Variants in PTPRG observed in about 807,000 individuals in gnomAD.
PTPRG encodes the protein receptor-type tyrosine-protein phosphatase gamma.
PTPRG carries 102 observed loss-of-function variants against 165.3 expected under a neutral mutation model. The ratio of observed to expected loss-of-function variants is 0.62; its 90% CI spans 0.53 to 0.73. PTPRG has a LOEUF of 0.73. PTPRG is among the 30% of genes least tolerant of loss of function. The pLI is 0.00. For synonymous variants in PTPRG, 675 were observed against 669.5 expected (o/e 1.01, Z -0.13); for missense variants, 1,866 against 1,861.4 (o/e 1.00, Z -0.05).
intron 26 of PTPRG, among the ~76,000 whole-genome samples, chr3:62,278,374 A>G (rs12491677): frequency 9.9e-5 from 15 of 152,038 alleles, no homozygotes; most frequent in Admixed American, 9.2e-4. Flanking sequence ...AGCTGCTACT[A>G]CTTTTCCCTC....
chr3:62,161,977 A>G (rs1704783115), intron 7 of PTPRG, among the ~76,000 whole-genome samples: 1 of 152,060 alleles, frequency 6.6e-6, no homozygotes, highest in Non-Finnish European at 1.5e-5. Flanking sequence ...CTAATAATGG[A>G]CCGTGGTTTT....
At chr3:61,667,944 T>C (rs1424385759) in intron 1 of PTPRG, among the ~76,000 whole-genome samples, 1 of 152,170 alleles carries the variant, frequency 6.6e-6, no homozygotes, top group Non-Finnish European at 1.5e-5. Context: ...TAAAGTTTTA[T>C]TGGTCAAGGT....
chr3:61,711,728 A>C (rs551289695), intron 1 of PTPRG, among the ~76,000 whole-genome samples: 1 of 152,334 alleles, frequency 6.6e-6, no homozygotes, highest in Admixed American at 6.5e-5. Context: ...CAAGGAACTT[A>C]AACAAATTTA....
chr3:61,658,365 A>G (rs1018138064), intron 1 of PTPRG, among the ~76,000 whole-genome samples: 1 of 152,168 alleles, frequency 6.6e-6, no homozygotes, highest in South Asian at 2.1e-4. Context: ...ACAAGGTTAG[A>G]GGAGGCAACG....
At position 61,681,298 on chromosome 3, in the gene PTPRG, C is replaced by T. The variant is rs142398507; in HGVS notation, c.86-67580C>T. 5.7e-3 allele frequency among the ~76,000 whole-genome samples: 872 copies of T among 152,282 alleles called. 10 individuals carry two copies. The highest frequency in any genetic ancestry group is 0.02 in the African/African-American group (811 of 41,544). ...AAACTACCCACCACACACCCAACCA[C>T]AAAACTTGCTCAGAGGCAGGATGTG... On this transcript the variant is annotated intron_variant, in intron 1 of 29. Coordinates refer to ENST00000474889, the MANE Select transcript of PTPRG (RefSeq NM_002841.4).
chr3:62,032,879 T>C (rs1401365564), intron 4 of PTPRG, among the ~76,000 whole-genome samples: 3 of 152,160 alleles, frequency 2.0e-5, no homozygotes, highest in African/African-American at 7.2e-5. Flanking sequence ...GGCAGAACTA[T>C]TAATGCTAAG....
At chr3:61,925,245 C>CCAT (rs1320092406) in intron 2 of PTPRG, among the ~76,000 whole-genome samples, 29 of 152,184 alleles carry the variant, frequency 1.9e-4, no homozygotes, top group Non-Finnish European at 3.7e-4. Context: ...TTCTGCTGAC[C>CCAT]CATCACCTTG....
intron 4 of PTPRG, among the ~76,000 whole-genome samples, chr3:62,074,316 T>A (rs1485823276): frequency 6.7e-6 from 1 of 149,326 alleles, no homozygotes; most frequent in Non-Finnish European, 1.5e-5. Flanking sequence ...ATTTTCCAGA[T>A]CTTTTTTTCT....
At chr3:61,651,662 G>A (rs1321773551) in intron 1 of PTPRG, among the ~76,000 whole-genome samples, 1 of 152,186 alleles carries the variant, frequency 6.6e-6, no homozygotes, top group Non-Finnish European at 1.5e-5. Flanking sequence ...TGCACCTCTG[G>A]TGTACCTTGG....
At chr3:62,179,376 G>T (rs1367679574) in intron 8 of PTPRG, among the ~76,000 whole-genome samples, 1 of 152,186 alleles carries the variant, frequency 6.6e-6, no homozygotes, top group East Asian at 1.9e-4. Flanking sequence ...TAAGTATCTT[G>T]GCTGTCACAT....
intron 6 of PTPRG, among the ~76,000 whole-genome samples, chr3:62,148,454 T>G (rs1415394480): frequency 6.6e-6 from 1 of 151,986 alleles, no homozygotes; most frequent in Admixed American, 6.6e-5. Flanking sequence ...TCAGGATTAG[T>G]TTTACATTTA....
At chr3:61,770,293 T>C (rs1446957458) in intron 2 of PTPRG, 9 of 152,154 alleles carry the variant, frequency 5.9e-5, no homozygotes, top group Admixed American at 5.9e-4. Flanking sequence ...GGATGAATGA[T>C]TGGGTTCATT....
At chr3:61,853,496 A>G (rs2037022631) in intron 2 of PTPRG, among the ~76,000 whole-genome samples, 1 of 152,210 alleles carries the variant, frequency 6.6e-6, no homozygotes, top group African/African-American at 2.4e-5. Flanking sequence ...TTTGCTGGCC[A>G]TGTGATTGAA....
At chr3:62,125,867 C>A (rs1703271751) in intron 5 of PTPRG, among the ~76,000 whole-genome samples, 1 of 152,014 alleles carries the variant, frequency 6.6e-6, no homozygotes. Flanking sequence ...GGGACCCCGG[C>A]TTGAAATGCT....
chr3:61,794,576 C>T (rs1179121593), intron 2 of PTPRG, among the ~76,000 whole-genome samples: 1 of 152,136 alleles, frequency 6.6e-6, no homozygotes, highest in Admixed American at 6.5e-5. Flanking sequence ...AAATATAAGA[C>T]GTCAGTGATA....
At chr3:62,014,443 A>G (rs2041493848) in intron 4 of PTPRG, among the ~76,000 whole-genome samples, 1 of 152,184 alleles carries the variant, frequency 6.6e-6, no homozygotes, top group Non-Finnish European at 1.5e-5. Context: ...GGTACTTTAA[A>G]ACTCAGGTTA....
chr3:62,112,384 G>A (rs541731996), intron 5 of PTPRG, among the ~76,000 whole-genome samples: 4 of 152,314 alleles, frequency 2.6e-5, no homozygotes, highest in East Asian at 1.9e-4. Flanking sequence ...GATTACAGGC[G>A]TGAGCCATCC....
chr3:62,163,149 A>C (rs1005318981), intron 7 of PTPRG, among the ~76,000 whole-genome samples: 9 of 152,138 alleles, frequency 5.9e-5, no homozygotes, highest in African/African-American at 2.2e-4. Context: ...TTCCGTCCCC[A>C]TGATCCAATC....
chr3:61,869,928 T>C (rs1481665670), intron 2 of PTPRG, among the ~76,000 whole-genome samples: 2 of 152,044 alleles, frequency 1.3e-5, no homozygotes, highest in African/African-American at 4.8e-5. Context: ...CTACGTCACC[T>C]AAATGCTCCT....
Sources: gnomAD v4.1 joint callset for allele counts (sites outside exome capture counted in the v4.1 genomes callset) on GRCh38, gnomAD v4.1.1 for gene constraint, MANE v1.5 for transcripts, NCBI Gene and HGNC (gene_info 2026-07-23, HGNC 2026-07-21) for gene names.